TMEM45B: variants seen among roughly 807,000 people sequenced by gnomAD.
TMEM45B encodes transmembrane protein 45B.
TMEM45B carries 29 observed loss-of-function variants against 27.3 expected under a neutral mutation model. The observed-to-expected ratio is 1.06, with a 90% CI of 0.79 to 1.45. The LOEUF (loss-of-function observed/expected upper bound fraction) is 1.45. TMEM45B is among the 40% of genes most tolerant of loss of function. TMEM45B has a pLI of 0.00. For missense variants in TMEM45B, 348 were observed against 343.9 expected, an observed-to-expected ratio of 1.01 and a Z score of -0.09; for synonymous variants, 143 against 134.7, an observed-to-expected ratio of 1.06 and a Z score of -0.43.
chr11:129,847,854 C>T (rs2135591452), intron 1 of TMEM45B, among the ~76,000 whole-genome samples: 1 of 152,234 alleles, frequency 6.6e-6, no homozygotes, highest in East Asian at 1.9e-4. Flanking sequence ...TTCTATTCCA[C>T]AAAACCGCCA....
In TMEM45B at chr11:129,849,144, A is replaced by G. The variant is rs567359755; in HGVS notation, c.-8-3331A>G. Among the ~76,000 whole-genome samples the G allele has an allele frequency of 1.1e-4, 17 of 152,318 alleles. 1 individual carries two copies. The South Asian group carries it at 3.3e-3, about 30-fold the overall frequency. ...ATGAACTTTAAAATCTAAGTCCAGA[A>G]TCTTATCTAAGTCAGGTGTGAGAGA... On this transcript the variant is annotated intron_variant, in intron 1 of 5. Transcript: ENST00000281441.
chr11:129,834,536 C>G (rs1452506203), intron 1 of TMEM45B, among the ~76,000 whole-genome samples: 1 of 152,110 alleles, frequency 6.6e-6, no homozygotes, highest in African/African-American at 2.4e-5. Context: ...ATCAGCTGGG[C>G]ACCATGGCTC....
At chr11:129,835,347 G>T (rs1269322976) in intron 1 of TMEM45B, among the ~76,000 whole-genome samples, 4 of 152,198 alleles carry the variant, frequency 2.6e-5, no homozygotes, top group Non-Finnish European at 1.5e-5. Flanking sequence ...CAGAGATGTG[G>T]TTTTCCCAGG....
At chr11:129,855,973 G>T in intron 4 of TMEM45B, 81 bp downstream of exon 4, 2 of 1,513,856 alleles carry the variant, frequency 1.3e-6, no homozygotes, top group Non-Finnish European at 9.0e-7. Context: ...TCCCTGACGA[G>T]AATATGGGGT....
At chr11:129,831,798 T>G (rs1947550007) in intron 1 of TMEM45B, among the ~76,000 whole-genome samples, 1 of 152,210 alleles carries the variant, frequency 6.6e-6, no homozygotes, top group African/African-American at 2.4e-5. Flanking sequence ...CCAGGCATGG[T>G]GGCCCATGCC....
At chr11:129,815,954 G>C in intron 1 of TMEM45B, 56 bp downstream of exon 1, 4 of 1,263,700 alleles carry the variant, frequency 3.2e-6, no homozygotes, top group Non-Finnish European at 3.0e-6. Flanking sequence ...CGAAGGGAGA[G>C]GGGGCCCCGC....
At position 129,855,003 on chromosome 11, in the gene TMEM45B, T is replaced by G. The variant is rs545194935; in HGVS notation, c.385+187T>G. Among the ~76,000 whole-genome samples, 19 of 152,184 alleles carry G rather than the reference T, an allele frequency of 1.2e-4. 1 individual carries two copies. Among genetic ancestry groups the G allele is most frequent in the Non-Finnish European group, 1.9e-4 (13 of 68,036 alleles). On this transcript the variant is annotated intron_variant, in intron 3 of 5. Transcript: ENST00000281441. ...TGGATGGGCCAGGTGACATATTCCCTAAAGTAGCTCATGAAAGCTTTGAGG... is the reference window on the plus strand; with the variant it reads ...TGGATGGGCCAGGTGACATATTCCCGAAAGTAGCTCATGAAAGCTTTGAGG...
intron 1 of TMEM45B, among the ~76,000 whole-genome samples, chr11:129,830,242 G>T (rs556530544): frequency 1.3e-5 from 2 of 152,320 alleles, no homozygotes; most frequent in South Asian, 4.1e-4. Context: ...TGGGAGAATT[G>T]CTTGAACCTG....
At chr11:129,848,280 G>C (rs1178260183) in intron 1 of TMEM45B, among the ~76,000 whole-genome samples, 1 of 152,186 alleles carries the variant, frequency 6.6e-6, no homozygotes, top group South Asian at 2.1e-4. Context: ...GGAGGCCGAG[G>C]CTGGCGGATC....
At chr11:129,848,121 C>T (rs7944122) in intron 1 of TMEM45B, among the ~76,000 whole-genome samples, 110,795 of 147,800 alleles carry the variant, frequency 0.75, 42,063 homozygotes, top group African/African-American at 0.88. Flanking sequence ...GGGTGGCGGC[C>T]GGGCAGAGGC....
chr11:129,831,382 G>C (rs1947544850), intron 1 of TMEM45B, among the ~76,000 whole-genome samples: 1 of 152,176 alleles, frequency 6.6e-6, no homozygotes, highest in Non-Finnish European at 1.5e-5. Context: ...ATGATACCAT[G>C]ACAGTCAACC....
intron 1 of TMEM45B, among the ~76,000 whole-genome samples, chr11:129,844,698 G>C (rs1259730278): frequency 6.6e-6 from 1 of 151,976 alleles, no homozygotes; most frequent in African/African-American, 2.4e-5. Flanking sequence ...AAAAATAATA[G>C]TAATAATAAT....
intron 2 of TMEM45B, chr11:129,852,947 T>C (rs1483677625): frequency 5.4e-5 from 15 of 278,926 alleles, no homozygotes; most frequent in South Asian, 1.4e-4. Flanking sequence ...GAAAAAGATA[T>C]GACACAAATA....
intron 1 of TMEM45B, among the ~76,000 whole-genome samples, chr11:129,848,050 G>A (rs1261149413): frequency 6.6e-6 from 1 of 151,596 alleles, no homozygotes; most frequent in Non-Finnish European, 1.5e-5. Flanking sequence ...GCCAGGCAGA[G>A]GGGCTCCTCA....
intron 1 of TMEM45B, among the ~76,000 whole-genome samples, chr11:129,817,030 A>G (rs1403741386): frequency 6.6e-6 from 1 of 151,414 alleles, no homozygotes. Context: ...ACAGGCGTGA[A>G]CCACCGCGCC....
chr11:129,821,817 A>G (rs1307101726), intron 1 of TMEM45B, among the ~76,000 whole-genome samples: 1 of 149,114 alleles, frequency 6.7e-6, no homozygotes, highest in African/African-American at 2.5e-5. Context: ...TCATATTCTG[A>G]TATTTCATGA....
chr11:129,831,895 A>G (rs1278410605), intron 1 of TMEM45B, among the ~76,000 whole-genome samples: 3 of 151,476 alleles, frequency 2.0e-5, no homozygotes, highest in Non-Finnish European at 4.4e-5. Flanking sequence ...GTGAAACCCC[A>G]TCTCTATTAT....
At chr11:129,817,164 A>T (rs530230570) in intron 1 of TMEM45B, among the ~76,000 whole-genome samples, 2 of 152,266 alleles carry the variant, frequency 1.3e-5, no homozygotes, top group East Asian at 3.9e-4. Context: ...GCCTGCCTAC[A>T]GCATTTTACC....
In TMEM45B at chr11:129,826,620, C is replaced by T. The variant is rs189099300; in HGVS notation, c.-9+10722C>T. Among the ~76,000 whole-genome samples, 5 of 149,414 alleles carry T rather than the reference C, an allele frequency of 3.3e-5. No individual in the cohort carries two copies. In the East Asian group the frequency reaches 9.8e-4, roughly 29 times the overall value. On this transcript the variant is annotated intron_variant, in intron 1 of 5. Coordinates refer to ENST00000281441, the MANE Select transcript of TMEM45B (RefSeq NM_138788.5). Reference sequence around the variant, plus strand: ...TCAAGGTCACAGAGTGAATTCCTAGCAGCATTCAGGCTAGGACCCAAGTAT... The same window carrying T: ...TCAAGGTCACAGAGTGAATTCCTAGTAGCATTCAGGCTAGGACCCAAGTAT...
Sources: gnomAD v4.1 joint callset for allele counts (sites outside exome capture counted in the v4.1 genomes callset) on GRCh38, gnomAD v4.1.1 for gene constraint, MANE v1.5 for transcripts, NCBI Gene and HGNC (gene_info 2026-07-23, HGNC 2026-07-21) for gene names.